Variants in BMP2K observed in about 807,000 individuals in gnomAD.
BMP2K encodes BMP-2-inducible protein kinase.
BMP2K carries 74 observed loss-of-function variants against 116.0 expected under a neutral mutation model. The observed-to-expected ratio is 0.64, with a 90% CI of 0.53 to 0.77. The LOEUF (loss-of-function observed/expected upper bound fraction) is 0.77, where lower values mean the gene tolerates loss of function less well. BMP2K is among the 30% of genes least tolerant of loss of function. The pLI is 0.00. For synonymous variants in BMP2K, 486 were observed against 502.5 expected, an observed-to-expected ratio of 0.97 and a Z score of 0.44; for missense variants, 1,365 against 1,403.6, an observed-to-expected ratio of 0.97 and a Z score of 0.44.
intron 2 of BMP2K, among the ~76,000 whole-genome samples, chr4:78,830,770 C>G (rs540385554): frequency 1.2e-3 from 183 of 152,366 alleles, no homozygotes; most frequent in Non-Finnish European, 1.9e-3. Flanking sequence ...CTCACTTCTT[C>G]AGCCTTCATA....
At chr4:78,794,379 A>G (rs1242136455) in intron 1 of BMP2K, among the ~76,000 whole-genome samples, 2 of 152,196 alleles carry the variant, frequency 1.3e-5, no homozygotes, top group South Asian at 4.1e-4. Context: ...TCAGAATCAC[A>G]TATAAGACTG....
chr4:78,802,284 T>A (rs1004349509), intron 1 of BMP2K, among the ~76,000 whole-genome samples: 7 of 152,234 alleles, frequency 4.6e-5, no homozygotes, highest in African/African-American at 1.7e-4. Context: ...TTGGCTGTCA[T>A]CCAGTTTATG....
At chr4:78,847,589 G>C (rs1313559632) in intron 6 of BMP2K, among the ~76,000 whole-genome samples, 1 of 151,522 alleles carries the variant, frequency 6.6e-6, no homozygotes, top group Non-Finnish European at 1.5e-5. Flanking sequence ...TCAAAATATG[G>C]AAAAGCTGGA....
intron 1 of BMP2K, among the ~76,000 whole-genome samples, chr4:78,821,022 C>T (rs113425377): frequency 1.3e-5 from 2 of 152,116 alleles, no homozygotes; most frequent in African/African-American, 4.8e-5. Context: ...CTCCAAATAT[C>T]CCTTTTGTAG....
intron 14 of BMP2K, among the ~76,000 whole-genome samples, chr4:78,886,322 C>A (rs977826416): frequency 6.6e-6 from 1 of 152,192 alleles, no homozygotes; most frequent in African/African-American, 2.4e-5. Context: ...TCCTTCAAGT[C>A]TTTTCTTACC....
chr4:78,852,696 C>A (rs928598546), intron 7 of BMP2K, among the ~76,000 whole-genome samples: 1 of 152,112 alleles, frequency 6.6e-6, no homozygotes, highest in African/African-American at 2.4e-5. Context: ...TATACAAACT[C>A]CTGGCCTCAA....
chr4:78,833,309 A>G lies in BMP2K; in HGVS notation c.298-273A>G, dbSNP rs997653414. ...TATTTTATTCTCAAGTTCTTTGTAC[A>G]CTTTTGGGAGCTATTCCTTTTGCGT... is the stretch of plus-strand genomic sequence containing the variant. On this transcript the variant is annotated intron_variant, in intron 2 of 15. Transcript: ENST00000502613. 2.0e-5 allele frequency among the ~76,000 whole-genome samples: 3 copies of G among 152,084 alleles called. No homozygotes were observed. In the East Asian group the frequency reaches 5.8e-4, roughly 29 times the overall value.
intron 1 of BMP2K, among the ~76,000 whole-genome samples, chr4:78,796,986 G>A (rs931724233): frequency 2.0e-5 from 3 of 152,152 alleles, no homozygotes; most frequent in Non-Finnish European, 2.9e-5. Context: ...CTTCATTTCA[G>A]CTTTATGCAT....
intron 15 of BMP2K, among the ~76,000 whole-genome samples, chr4:78,900,577 T>C (rs1453559214): frequency 1.3e-5 from 2 of 152,232 alleles, no homozygotes; most frequent in Non-Finnish European, 2.9e-5. Flanking sequence ...GGATAATTCA[T>C]GTATTCACAG....
chr4:78,828,721 A>G (rs116300754), intron 2 of BMP2K, among the ~76,000 whole-genome samples: 4,046 of 152,332 alleles, frequency 0.027, 185 homozygotes, highest in African/African-American at 0.092. Flanking sequence ...ACTGTAGTCT[A>G]TAAAATGTAC....
intron 2 of BMP2K, among the ~76,000 whole-genome samples, chr4:78,832,675 G>A (rs1184938102): frequency 1.3e-5 from 2 of 152,028 alleles, no homozygotes; most frequent in East Asian, 1.9e-4. Context: ...AATAGAATTT[G>A]TATGATTTTG....
At position 78,910,978 on chromosome 4, in the gene BMP2K, G is replaced by T; in HGVS notation, c.2431G>T (p.Ala811Ser). The change falls in exon 16 of 16, where the codon GCA (alanine) becomes TCA (serine). Residue 811 changes from alanine to serine, a missense_variant. Ala to Ser is a moderately conservative substitution (Grantham distance 99). Around this residue, in one of 3 missense-constraint regions of BMP2K, gnomAD observed 596 missense variants for 623.2 expected, o/e 0.96. Transcript: ENST00000502613. ...SSDSDYEQAK[A>S]KYSDMSSVYR... ...TGATTCTGATTATGAGCAGGCTAAA[G>T]CAAAGTACAGTGACATGAGCTCTGT... 1 of 1,613,640 alleles carries T rather than the reference G, an allele frequency of 6.2e-7. No homozygotes were observed. The highest frequency in any genetic ancestry group is 8.5e-7 in the Non-Finnish European group (1 of 1,179,794).
chr4:78,850,675 C>A (rs1731208282), intron 6 of BMP2K, among the ~76,000 whole-genome samples: 1 of 151,728 alleles, frequency 6.6e-6, no homozygotes, highest in South Asian at 2.1e-4. Flanking sequence ...CAAAAAGAAC[C>A]AGCTACTTCT....
At chr4:78,793,326 C>T (rs999663151) in intron 1 of BMP2K, among the ~76,000 whole-genome samples, 3 of 150,016 alleles carry the variant, frequency 2.0e-5, no homozygotes, top group East Asian at 2.0e-4. Flanking sequence ...AGGAGAATGG[C>T]GTGAACCCGG....
At chr4:78,908,677 A>C (rs1734406850) in intron 15 of BMP2K, among the ~76,000 whole-genome samples, 1 of 152,190 alleles carries the variant, frequency 6.6e-6, no homozygotes, top group Non-Finnish European at 1.5e-5. Context: ...TCTCACACAT[A>C]TGTCAAGCTT....
At chr4:78,815,155 T>C (rs1261296679) in intron 1 of BMP2K, among the ~76,000 whole-genome samples, 2 of 152,180 alleles carry the variant, frequency 1.3e-5, no homozygotes, top group African/African-American at 2.4e-5. Flanking sequence ...TTTAGACCAC[T>C]ATGGTCAGTC....
chr4:78,781,247 A>G (rs548122200), intron 1 of BMP2K, among the ~76,000 whole-genome samples: 1 of 152,330 alleles, frequency 6.6e-6, no homozygotes, highest in South Asian at 2.1e-4. Context: ...TTACAAGATC[A>G]TGCTGATTGC....
rs1053664659 is a variant in BMP2K at position 78,909,055 on chromosome 4, CTTTTTTT to C, written c.2063-1537_2063-1531del. 9.5e-5 allele frequency among the ~76,000 whole-genome samples: 9 copies of C among 94,414 alleles called. No homozygotes were observed. The South Asian group carries it at 2.0e-3, about 21-fold the overall frequency. 61.9% of individuals were successfully genotyped at this position (94,414 alleles called of 152,430 possible). ...ACTCCCCTTCTTACCTTCCCTTAGT[CTTTTTTT>C]TTTTTTTTTTTTTTTTTGAGACAGT... is the stretch of plus-strand genomic sequence containing the variant. On this transcript the variant is annotated intron_variant, in intron 15 of 15. Coordinates refer to ENST00000502613, the MANE Select transcript of BMP2K (RefSeq NM_198892.2).
In BMP2K at chr4:78,863,360, G is replaced by A. The variant is rs146919400; in HGVS notation, c.1067+1892G>A. 7.2e-5 allele frequency among the ~76,000 whole-genome samples: 11 copies of A among 152,118 alleles called. No individual in the cohort carries two copies. In the East Asian group the frequency reaches 1.9e-3, roughly 27 times the overall value. On this transcript the variant is annotated intron_variant, in intron 9 of 15. Coordinates refer to ENST00000502613, the MANE Select transcript of BMP2K (RefSeq NM_198892.2). ...ATTTACTAGCAGTTTCATTACCCAC[G>A]TTTTCAAAAAGCGCCTGTGGGTTTC...
Sources: gnomAD v4.1 joint callset for allele counts (sites outside exome capture counted in the v4.1 genomes callset) on GRCh38, gnomAD v4.1.1 for gene constraint, gnomAD v4.1.1 regional missense constraint, MANE v1.5 for transcripts, NCBI Gene and HGNC (gene_info 2026-07-23, HGNC 2026-07-21) for gene names.